PLEKHG7: variants seen among roughly 807,000 people sequenced by gnomAD.
PLEKHG7 encodes pleckstrin homology domain-containing family G member 7.
In PLEKHG7, 77 loss-of-function variants were observed where a neutral mutation model predicts 85.2. The ratio of observed to expected loss-of-function variants is 0.90; its 90% CI spans 0.75 to 1.09. The LOEUF (loss-of-function observed/expected upper bound fraction) is 1.09. PLEKHG7 is among the 50% of genes least tolerant of loss of function. PLEKHG7 has a pLI of 0.00. For missense variants in PLEKHG7, 777 were observed against 804.3 expected (o/e 0.97, Z 0.41); for synonymous variants, 301 against 302.4 (o/e 1.00, Z 0.05).
Position 92,708,546 on chromosome 12 carries a change from AACAG to A in PLEKHG7, c.530+879_530+882del, listed in dbSNP as rs1488461267. The stretch of plus-strand genomic sequence containing the variant: ...TGCTAGATAAAAAACCACTTAAAGT[AACAG>A]ACAGTTATTGTTTCTTATAAATCTC... On this transcript the variant is annotated intron_variant, in intron 3 of 16. Transcript: ENST00000344636. 9.2e-5 allele frequency: 14 copies of A among 152,350 alleles called. No homozygotes were observed. In the East Asian group the frequency reaches 2.7e-3, roughly 29 times the overall value. 9.4% of individuals were successfully genotyped at this position (152,350 alleles called of 1,614,324 possible). A position where few individuals can be genotyped will look rare whatever the true frequency, so the allele number is the denominator to read the frequency against.
chr12:92,727,969 T>TATACAC (rs1871870715), intron 3 of PLEKHG7, among the ~76,000 whole-genome samples: 1 of 148,796 alleles, frequency 6.7e-6, no homozygotes, highest in Non-Finnish European at 1.5e-5. Flanking sequence ...TGTGTATATA[T>TATACAC]ATATATACAC....
At chr12:92,725,477 CAAGGT>C (rs1189262906) in intron 3 of PLEKHG7, among the ~76,000 whole-genome samples, 1 of 152,136 alleles carries the variant, frequency 6.6e-6, no homozygotes. Context: ...GGCGGAGAAA[CAAGGT>C]AAGAGGCGAC....
intron 13 of PLEKHG7, among the ~76,000 whole-genome samples, chr12:92,760,231 G>A (rs751450656): frequency 3.6e-4 from 54 of 152,062 alleles, no homozygotes; most frequent in Non-Finnish European, 7.5e-4. Flanking sequence ...TAAAACTTGG[G>A]GATTCTACTG....
intron 3 of PLEKHG7, among the ~76,000 whole-genome samples, chr12:92,714,627 A>C (rs1197213643): frequency 1.3e-5 from 2 of 152,208 alleles, no homozygotes; most frequent in Non-Finnish European, 2.9e-5. Context: ...CAGGAGTTAG[A>C]ATCCCTGAGT....
chr12:92,721,716 A>G (rs1871651305), intron 3 of PLEKHG7, among the ~76,000 whole-genome samples: 1 of 151,426 alleles, frequency 6.6e-6, no homozygotes, highest in Non-Finnish European at 1.5e-5. Context: ...AAAAAAAAAA[A>G]AAAAAAAAAA....
chr12:92,714,016 T>C (rs1871416603), intron 3 of PLEKHG7, among the ~76,000 whole-genome samples: 1 of 152,182 alleles, frequency 6.6e-6, no homozygotes, highest in South Asian at 2.1e-4. Context: ...TCTGTTTATA[T>C]AAATTAGAAA....
At chr12:92,764,595 G>T (rs1873134371) in intron 15 of PLEKHG7, among the ~76,000 whole-genome samples, 1 of 151,922 alleles carries the variant, frequency 6.6e-6, no homozygotes, top group South Asian at 2.1e-4. Context: ...AACCAGACGT[G>T]CAAGAGTAAG....
At chr12:92,736,632 G>A (rs748393023) in intron 6 of PLEKHG7, 55 bp downstream of exon 6, 8 of 1,096,598 alleles carry the variant, frequency 7.3e-6, no homozygotes, top group Middle Eastern at 3.4e-4. Context: ...GTTTTTTGGT[G>A]GGGTGGGGAA....
At chr12:92,736,952 ATG>A (rs1369634175) in intron 6 of PLEKHG7, among the ~76,000 whole-genome samples, 1 of 152,172 alleles carries the variant, frequency 6.6e-6, no homozygotes, top group Non-Finnish European at 1.5e-5. Flanking sequence ...CTCTCACTTC[ATG>A]CTTCTTCAGT....
chr12:92,761,654 GAAAGAAAGA>G (rs1313068679), intron 13 of PLEKHG7, 89 bp from the exon 14 acceptor site: 17 of 1,198,184 alleles, frequency 1.4e-5, no homozygotes, highest in South Asian at 5.9e-5. Context: ...AAGAAAGAAA[GAAAGAAAGA>G]AAGAAAGAAA....
Position 92,730,347 on chromosome 12 carries a change from A to G in PLEKHG7, c.658+1227A>G, listed in dbSNP as rs186957544. Among the ~76,000 whole-genome samples, 43 of 152,324 alleles carry G rather than the reference A, an allele frequency of 2.8e-4. 1 individual carries two copies. In the East Asian group the frequency reaches 7.7e-3, roughly 27 times the overall value. On this transcript the variant is annotated intron_variant, in intron 4 of 16. Coordinates refer to ENST00000344636, the MANE Select transcript of PLEKHG7 (RefSeq NM_001377329.1). ...TTTAAGAGGCTTTAGAATGCTGTCA[A>G]TTAGTTAACAACTACAACAGTGGTT...
At chr12:92,720,686 G>A (rs75476738) in intron 3 of PLEKHG7, among the ~76,000 whole-genome samples, 2,106 of 152,180 alleles carry the variant, frequency 0.014, 42 homozygotes, top group African/African-American at 0.049. Flanking sequence ...AGACAATCCC[G>A]AATAATCTCA....
At chr12:92,749,788 T>G (rs1030164693) in intron 10 of PLEKHG7, 1 of 151,894 alleles carries the variant, frequency 6.6e-6, no homozygotes, top group East Asian at 1.9e-4. Flanking sequence ...GTAAATTTCC[T>G]GAGGTTCCAA....
intron 6 of PLEKHG7, among the ~76,000 whole-genome samples, chr12:92,736,889 C>T (rs78858857): frequency 0.017 from 2,646 of 152,188 alleles, 77 homozygotes; most frequent in African/African-American, 0.059. Flanking sequence ...TCATTTGAAA[C>T]GTTAAGTTGT....
intron 10 of PLEKHG7, among the ~76,000 whole-genome samples, chr12:92,751,233 G>T (rs938742746): frequency 6.6e-6 from 1 of 152,170 alleles, no homozygotes; most frequent in African/African-American, 2.4e-5. Flanking sequence ...CTTTCAGCAC[G>T]TTGCCTAATT....
chr12:92,728,923 TA>T, intron 3 of PLEKHG7, 69 bp from the exon 4 acceptor site: 2 of 1,162,116 alleles, frequency 1.7e-6, no homozygotes, highest in Non-Finnish European at 2.2e-6. Flanking sequence ...TTTTACTTTT[TA>T]AAAATAGCCA....
At chr12:92,751,459 G>T (rs1345016317) in intron 10 of PLEKHG7, among the ~76,000 whole-genome samples, 1 of 152,168 alleles carries the variant, frequency 6.6e-6, no homozygotes, top group Non-Finnish European at 1.5e-5. Flanking sequence ...TCTGCCTACC[G>T]GGTTCAGGCA....
At chr12:92,737,739 G>GGGAGGGAGGGAGGAAGGGACGGAGGGAA (rs147862697) in intron 7 of PLEKHG7, among the ~76,000 whole-genome samples, 1 of 126,456 alleles carries the variant, frequency 7.9e-6, no homozygotes, top group Non-Finnish European at 1.7e-5. Context: ...GAGGGAGGAA[G>GGGAGGGAGGGAGGAAGGGACGGAGGGAA]GGAGGGAGGG....
chr12:92,754,458 C>A (rs540690434), intron 11 of PLEKHG7, among the ~76,000 whole-genome samples, 194 bp downstream of exon 11: 5 of 152,110 alleles, frequency 3.3e-5, no homozygotes, highest in Non-Finnish European at 5.9e-5. Context: ...CCTGGCGAAC[C>A]CTATGAGAAC....
Sources: gnomAD v4.1 joint callset for allele counts (sites outside exome capture counted in the v4.1 genomes callset) on GRCh38, gnomAD v4.1.1 for gene constraint, MANE v1.5 for transcripts, NCBI Gene and HGNC (gene_info 2026-07-23, HGNC 2026-07-21) for gene names.